EYS: variants seen among roughly 807,000 people sequenced by gnomAD.
EYS encodes the protein EGF-like photoreceptor maintenance factor.
A neutral mutation model predicts 282.1 loss-of-function variants in EYS; 250 were observed. The observed-to-expected ratio is 0.89, with a 90% confidence interval of 0.80 to 0.98. The LOEUF (loss-of-function observed/expected upper bound fraction) is 0.98. Among genes scored for constraint, EYS ranks in the 50% least tolerant of loss-of-function variants. EYS has a pLI of 0.00. For missense variants in EYS, 4,016 were observed against 3,709.0 expected (o/e 1.08, Z -2.15); for synonymous variants, 1,355 against 1,282.9 (o/e 1.06, Z -1.20).
At chr6:64,588,605 C>G (rs1766305504) in intron 26 of EYS, among the ~76,000 whole-genome samples, 1 of 152,074 alleles carries the variant, frequency 6.6e-6, no homozygotes, top group African/African-American at 2.4e-5. Context: ...TTACCTCTGT[C>G]TCTTTAGGCC....
intron 31 of EYS, among the ~76,000 whole-genome samples, chr6:64,124,768 T>G (rs906192040): frequency 6.6e-6 from 1 of 152,180 alleles, no homozygotes; most frequent in African/African-American, 2.4e-5. Context: ...TAAATAAAAC[T>G]CTTCAAATAA....
At chr6:64,912,285 T>C (rs548938362) in intron 16 of EYS, among the ~76,000 whole-genome samples, 199 bp downstream of exon 16, 1 of 152,142 alleles carries the variant, frequency 6.6e-6, no homozygotes, top group South Asian at 2.1e-4. Context: ...TTCCCAATGG[T>C]TAATTCTTAG....
At chr6:64,353,727 G>A (rs957889379) in intron 29 of EYS, among the ~76,000 whole-genome samples, 7 of 151,636 alleles carry the variant, frequency 4.6e-5, no homozygotes, top group African/African-American at 1.7e-4. Context: ...ATGGAAAGAA[G>A]TTAATAAAAG....
At chr6:64,746,273 A>T (rs993873413) in intron 22 of EYS, among the ~76,000 whole-genome samples, 4 of 151,948 alleles carry the variant, frequency 2.6e-5, no homozygotes, top group African/African-American at 9.7e-5. Flanking sequence ...GGATTAATTA[A>T]TACTATTGTC....
At chr6:64,286,709 T>C (rs892012261) in intron 30 of EYS, among the ~76,000 whole-genome samples, 1 of 152,140 alleles carries the variant, frequency 6.6e-6, no homozygotes, top group African/African-American at 2.4e-5. Flanking sequence ...TATAAAAGTG[T>C]AAAAGAAAAA....
At chr6:65,221,438 C>T (rs1766462449) in intron 12 of EYS, among the ~76,000 whole-genome samples, 1 of 152,168 alleles carries the variant, frequency 6.6e-6, no homozygotes, top group South Asian at 2.1e-4. Flanking sequence ...AGAGCTCAGG[C>T]CATTGCTTCA....
chr6:63,746,554 CT>C (rs1324029367), intron 41 of EYS, among the ~76,000 whole-genome samples: 1 of 152,112 alleles, frequency 6.6e-6, no homozygotes, highest in Non-Finnish European at 1.5e-5. Context: ...TCATCTGGTC[CT>C]CGGCTGTTTT....
At chr6:65,464,721 G>T (rs1764939291) in intron 5 of EYS, among the ~76,000 whole-genome samples, 1 of 152,096 alleles carries the variant, frequency 6.6e-6, no homozygotes. Flanking sequence ...AGAGAGTCTG[G>T]AAACTTCGGT....
chr6:65,622,755 CT>C (rs35201653), intron 2 of EYS, among the ~76,000 whole-genome samples: 8,914 of 143,024 alleles, frequency 0.062, 756 homozygotes, highest in African/African-American at 0.2. Context: ...AATAATCTTT[CT>C]TTTTTTTTTT....
chr6:65,515,944 T>C (rs1218041686), intron 2 of EYS, among the ~76,000 whole-genome samples: 1 of 151,850 alleles, frequency 6.6e-6, no homozygotes, highest in Admixed American at 6.6e-5. Flanking sequence ...AGTATAATAA[T>C]AATAAAATAA....
intron 24 of EYS, among the ~76,000 whole-genome samples, chr6:64,601,337 T>C (rs1253782438): frequency 6.6e-6 from 1 of 152,056 alleles, no homozygotes; most frequent in Non-Finnish European, 1.5e-5. Flanking sequence ...ATCTCATGGG[T>C]ACCTTAAACA....
intron 12 of EYS, among the ~76,000 whole-genome samples, chr6:65,128,690 C>T (rs1050266384): frequency 5.9e-5 from 9 of 151,806 alleles, no homozygotes; most frequent in African/African-American, 2.2e-4. Flanking sequence ...GAGAAACATC[C>T]CATGGTCATG....
At chr6:63,909,230 C>A (rs1336940496) in intron 35 of EYS, among the ~76,000 whole-genome samples, 1 of 152,162 alleles carries the variant, frequency 6.6e-6, no homozygotes, top group Non-Finnish European at 1.5e-5. Context: ...AAAGGAATAG[C>A]AAGTGAATGA....
chr6:64,875,163 T>C (rs534145131), intron 19 of EYS, among the ~76,000 whole-genome samples: 7 of 152,150 alleles, frequency 4.6e-5, no homozygotes, highest in African/African-American at 1.4e-4. Context: ...AAGAAGCCAG[T>C]TGTGTATATT....
At chr6:65,144,299 G>A (rs778118124) in intron 12 of EYS, among the ~76,000 whole-genome samples, 2 of 152,068 alleles carry the variant, frequency 1.3e-5, no homozygotes, top group Admixed American at 6.6e-5. Flanking sequence ...TCTATGCTAC[G>A]TAATTTCTTA....
intron 31 of EYS, among the ~76,000 whole-genome samples, chr6:64,166,635 G>A (rs1764299579): frequency 6.6e-6 from 1 of 152,192 alleles, no homozygotes; most frequent in African/African-American, 2.4e-5. Context: ...CAAATCAGCT[G>A]TGTGCAGGGC....
chr6:65,224,672 G>A (rs1018962059), intron 12 of EYS, among the ~76,000 whole-genome samples: 1 of 152,004 alleles, frequency 6.6e-6, no homozygotes, highest in Non-Finnish European at 1.5e-5. Flanking sequence ...AAAACAGCAG[G>A]AGAGAATACT....
At chr6:63,989,746 G>A (rs547169773) in intron 34 of EYS, among the ~76,000 whole-genome samples, 3 of 151,162 alleles carry the variant, frequency 2.0e-5, no homozygotes, top group South Asian at 2.1e-4. Flanking sequence ...TTAGAATCTC[G>A]ATATTTTGCT....
intron 22 of EYS, among the ~76,000 whole-genome samples, chr6:64,628,774 T>C (rs1263513964): frequency 1.3e-5 from 2 of 152,216 alleles, no homozygotes; most frequent in Non-Finnish European, 1.5e-5. Context: ...ACTACTTACC[T>C]AATAAAGATT....
Sources: gnomAD v4.1 joint callset for allele counts (sites outside exome capture counted in the v4.1 genomes callset) on GRCh38, gnomAD v4.1.1 for gene constraint, MANE v1.5 for transcripts, NCBI Gene and HGNC (gene_info 2026-07-23, HGNC 2026-07-21) for gene names.